PIK3R1: variants seen among roughly 807,000 people sequenced by gnomAD.
PIK3R1 encodes phosphatidylinositol 3-kinase regulatory subunit alpha.
Under a neutral mutation model 98.0 loss-of-function variants are expected in PIK3R1, and 29 were observed. The observed-to-expected ratio is 0.30, with a 90% CI of 0.22 to 0.40. The LOEUF (loss-of-function observed/expected upper bound fraction) is 0.40. Among genes scored for constraint, PIK3R1 ranks in the 10% least tolerant of loss-of-function variants. The pLI is 1.00. For synonymous variants in PIK3R1, 282 were observed against 311.8 expected (o/e 0.90, Z 1.01); for missense variants, 596 against 872.7 (o/e 0.68, Z 3.99).
chr5:68,263,201 ATCTATATATATATT>A (rs1745971451), intron 2 of PIK3R1, among the ~76,000 whole-genome samples: 2 of 130,112 alleles, frequency 1.5e-5, no homozygotes, highest in Non-Finnish European at 3.2e-5. Flanking sequence ...CTACATATAT[ATCTATATATATATT>A]TCTACATATA....
chr5:68,222,141 G>T (rs766921519), intron 1 of PIK3R1, among the ~76,000 whole-genome samples: 1 of 152,196 alleles, frequency 6.6e-6, no homozygotes, highest in Admixed American at 6.5e-5. Context: ...AAATAGTTTA[G>T]TGGGCAGGTA....
At chr5:68,257,164 G>T (rs1269610212) in intron 2 of PIK3R1, among the ~76,000 whole-genome samples, 1 of 152,174 alleles carries the variant, frequency 6.6e-6, no homozygotes, top group Non-Finnish European at 1.5e-5. Context: ...TTAAATTATA[G>T]GAGCAAGTAA....
intron 4 of PIK3R1, among the ~76,000 whole-genome samples, chr5:68,275,786 T>C (rs1042516646): frequency 6.6e-6 from 1 of 152,192 alleles, no homozygotes; most frequent in Non-Finnish European, 1.5e-5. Context: ...ATAAAAACAT[T>C]GTATAATATC....
At chr5:68,244,253 A>C (rs1268494057) in intron 2 of PIK3R1, among the ~76,000 whole-genome samples, 1 of 152,226 alleles carries the variant, frequency 6.6e-6, no homozygotes, top group Non-Finnish European at 1.5e-5. Flanking sequence ...TTGCATAGGT[A>C]CAGGACTTGA....
At chr5:68,290,148 T>C (rs2112235098) in intron 7 of PIK3R1, among the ~76,000 whole-genome samples, 1 of 152,348 alleles carries the variant, frequency 6.6e-6, no homozygotes, top group Non-Finnish European at 1.5e-5. Flanking sequence ...AGTGTTTGAA[T>C]TCTGGGTTTT....
intron 7 of PIK3R1, chr5:68,291,956 A>G (rs987487967): frequency 9.2e-6 from 2 of 216,660 alleles, no homozygotes; most frequent in Non-Finnish European, 1.8e-5. Context: ...ACTAGAATCT[A>G]GAAGTACAGA....
intron 2 of PIK3R1, among the ~76,000 whole-genome samples, chr5:68,239,690 G>A (rs1024617999): frequency 6.6e-6 from 1 of 152,198 alleles, no homozygotes; most frequent in Non-Finnish European, 1.5e-5. Context: ...GGGCGCCGGG[G>A]GTTAATGTTC....
chr5:68,221,954 T>C (rs1406920618), intron 1 of PIK3R1, among the ~76,000 whole-genome samples: 1 of 152,238 alleles, frequency 6.6e-6, no homozygotes, highest in Non-Finnish European at 1.5e-5. Flanking sequence ...AAGAGTAAGT[T>C]AGTTTACTTG....
chr5:68,226,750 C>T lies in PIK3R1; in HGVS notation c.75C>T (p.His25=), dbSNP rs745790934. The change falls in exon 2 of 16, where the codon CAC becomes CAT. Residue 25 remains histidine (H), a synonymous_variant. Transcript: ENST00000521381. Reference sequence around the variant, plus strand: ...AAAGAGAAGAAGATATTGACTTGCACTTGGGTGACATATTGACTGTGAATA... The same window carrying T: ...AAAGAGAAGAAGATATTGACTTGCATTTGGGTGACATATTGACTGTGAATA... ...KKEREEDIDL[H]LGDILTVNKG... 6.2e-7 allele frequency: 1 copy of T among 1,614,078 alleles called. No individual in the cohort carries two copies. Among genetic ancestry groups the T allele is most frequent in the East Asian group, 2.2e-5 (1 of 44,886 alleles).
chr5:68,251,974 C>G (rs777065906), intron 2 of PIK3R1, among the ~76,000 whole-genome samples: 16 of 152,134 alleles, frequency 1.1e-4, no homozygotes, highest in Non-Finnish European at 1.2e-4. Context: ...AGCACTGCCT[C>G]AAGTTCATCA....
intron 7 of PIK3R1, among the ~76,000 whole-genome samples, chr5:68,282,943 CAT>C (rs1220916678): frequency 6.6e-6 from 1 of 152,230 alleles, no homozygotes; most frequent in Non-Finnish European, 1.5e-5. Flanking sequence ...TAGTGTCTCT[CAT>C]GTGTGCATAC....
chr5:68,265,535 G>A (rs1248043178), intron 2 of PIK3R1, among the ~76,000 whole-genome samples: 1 of 152,140 alleles, frequency 6.6e-6, no homozygotes, highest in African/African-American at 2.4e-5. Context: ...TGGGAAGGGT[G>A]GGGAGAAAGG....
At position 68,280,515 on chromosome 5, in the gene PIK3R1, TTTA is replaced by T. The variant is rs2112194132; in HGVS notation, c.635-12_635-10del. ...TTACTCATTTCTCTTTTTTTTTTTT[TTTA>T]AACTTGTAGAAGTACAAAGCTCCGA... On this transcript the variant is annotated splice_polypyrimidine_tract_variant and intron_variant, in intron 5 of 15. Coordinates refer to ENST00000521381, the MANE Select transcript of PIK3R1 (RefSeq NM_181523.3). The T allele has an allele frequency of 6.4e-7, 1 of 1,558,484 alleles. No homozygotes were observed. Among genetic ancestry groups the T allele is most frequent in the Non-Finnish European group, 8.7e-7 (1 of 1,148,354 alleles).
rs1307114189 is a variant in PIK3R1 at position 68,226,813 on chromosome 5, G to GGAA, written c.140_142dup (p.Glu47dup). The GGAA allele has an allele frequency of 6.2e-7, 1 of 1,614,110 alleles. No homozygotes were observed. Among genetic ancestry groups the GGAA allele is most frequent in the Admixed American group, 1.7e-5 (1 of 60,014 alleles). The stretch of plus-strand genomic sequence containing the variant: ...TAGCTCTTGGATTCAGTGATGGACA[G>GGAA]GAAGCCAGGCCTGAAGAAATTGGCT... On this transcript the variant is annotated inframe_insertion, in exon 2 of 16. Coordinates refer to ENST00000521381, the MANE Select transcript of PIK3R1 (RefSeq NM_181523.3).
In PIK3R1 at chr5:68,293,845, T is replaced by A. The variant is rs778068104; in HGVS notation, c.1425+11T>A. 1.9e-6 allele frequency: 3 copies of A among 1,546,314 alleles called. No individual in the cohort carries two copies. Among genetic ancestry groups the A allele is most frequent in the Non-Finnish European group, 2.6e-6 (3 of 1,150,932 alleles). ...ACCCGCACATCCCAGGTGAGTTTTCTATGAAAATCAGATTAAAAAATAAGA... is the reference window on the plus strand; with the variant it reads ...ACCCGCACATCCCAGGTGAGTTTTCAATGAAAATCAGATTAAAAAATAAGA... On this transcript the variant is annotated intron_variant, in intron 11 of 15. Transcript: ENST00000521381.
intron 2 of PIK3R1, among the ~76,000 whole-genome samples, chr5:68,251,174 G>A (rs1745292768): frequency 6.6e-6 from 1 of 152,072 alleles, no homozygotes; most frequent in Non-Finnish European, 1.5e-5. Context: ...AGGATACAGT[G>A]GTTATATTAG....
At chr5:68,270,264 A>G (rs1467121387) in intron 2 of PIK3R1, among the ~76,000 whole-genome samples, 1 of 152,198 alleles carries the variant, frequency 6.6e-6, no homozygotes. Flanking sequence ...TGAAAAGACA[A>G]AGGAAAGCAA....
chr5:68,270,239 T>C (rs1361563680), intron 2 of PIK3R1, among the ~76,000 whole-genome samples: 2 of 152,148 alleles, frequency 1.3e-5, no homozygotes, highest in Non-Finnish European at 2.9e-5. Context: ...CTAACACTTT[T>C]TGCCGAAAAA....
At position 68,280,988 on chromosome 5, in the gene PIK3R1, G is replaced by T; in HGVS notation, c.898G>T (p.Glu300Ter). ...AATTTTAATCTCAACTGAATGGAATGAACGACAGCCTGCACCAGGTAATGC... is the reference window on the plus strand; with the variant it reads ...AATTTTAATCTCAACTGAATGGAATTAACGACAGCCTGCACCAGGTAATGC... Reference protein sequence around the residue: ...IEILISTEWNERQPAPALPPK... With the variant: ...IEILISTEWN Residue 300 changes from glutamate (E) to a stop codon, truncating the protein, a stop_gained, in exon 7 of 16, where the codon GAA (glutamate) becomes TAA (stop). Transcript: ENST00000521381. LOFTEE classifies it high-confidence loss of function. The T allele has an allele frequency of 6.2e-7, 1 of 1,604,902 alleles. No homozygotes were observed. Among genetic ancestry groups the T allele is most frequent in the South Asian group, 1.1e-5 (1 of 89,654 alleles).
Sources: allele counts gnomAD v4.1 joint callset (sites outside exome capture counted in the v4.1 genomes callset), GRCh38; gene constraint gnomAD v4.1.1; transcripts MANE v1.5; gene names NCBI Gene and HGNC (gene_info 2026-07-23, HGNC 2026-07-21).